Variants in RBFOX3 observed in about 807,000 individuals in gnomAD.
The protein encoded by RBFOX3 is RNA binding protein fox-1 homolog 3.
Under a neutral mutation model 48.7 loss-of-function variants are expected in RBFOX3, and 17 were observed. The observed-to-expected ratio is 0.35, with a 90% CI of 0.24 to 0.52. The LOEUF is 0.52. Among genes scored for constraint, RBFOX3 ranks in the 20% least tolerant of loss-of-function variants. The pLI is 0.94. For missense variants in RBFOX3, 382 were observed against 497.5 expected (o/e 0.77, Z 2.21); for synonymous variants, 212 against 209.5 (o/e 1.01, Z -0.10).
chr17:79,424,279 G>A (rs781801170), intron 2 of RBFOX3, among the ~76,000 whole-genome samples: 4 of 152,164 alleles, frequency 2.6e-5, no homozygotes, highest in Non-Finnish European at 5.9e-5. Flanking sequence ...CGGGCCTCCC[G>A]CCCGTCCCAG....
chr17:79,553,938 T>C (rs1376192610), intron 1 of RBFOX3, among the ~76,000 whole-genome samples: 1 of 152,180 alleles, frequency 6.6e-6, no homozygotes, highest in Non-Finnish European at 1.5e-5. Flanking sequence ...TTCACCACGT[T>C]GGCCAGATTG....
chr17:79,094,559 AGGAGGGTGGGG>A, intron 13 of RBFOX3, 30 bp from the exon 14 acceptor site: 1 of 26,852 alleles, frequency 3.7e-5, no homozygotes, highest in Non-Finnish European at 7.3e-5. Flanking sequence ...GGGGAGTGGG[AGGAGGGTGGGG>A]GAGGGGGGCA....
chr17:79,232,641 A>C (rs899978540), intron 4 of RBFOX3, among the ~76,000 whole-genome samples: 2 of 152,384 alleles, frequency 1.3e-5, no homozygotes, highest in South Asian at 4.1e-4. Context: ...ATTTGAGATA[A>C]ATCGTGGAAC....
intron 4 of RBFOX3, among the ~76,000 whole-genome samples, chr17:79,170,010 A>G (rs998369124): frequency 6.6e-6 from 1 of 150,762 alleles, no homozygotes; most frequent in African/African-American, 2.4e-5. Flanking sequence ...GGGAGGAAAG[A>G]AGGAGGGAAG....
At chr17:79,290,763 A>G (rs1209807879) in intron 3 of RBFOX3, among the ~76,000 whole-genome samples, 1 of 152,208 alleles carries the variant, frequency 6.6e-6, no homozygotes, top group Non-Finnish European at 1.5e-5. Flanking sequence ...GAGCCTCCAG[A>G]GGCTTCTCCT....
chr17:79,106,578 C>G, intron 6 of RBFOX3, 73 bp downstream of exon 6: 3 of 1,388,702 alleles, frequency 2.2e-6, no homozygotes, highest in Non-Finnish European at 1.9e-6. Flanking sequence ...GGCAGGAAGG[C>G]AGGGCCTGTG....
chr17:79,648,402 C>G, the RBFOX3 span, among the ~76,000 whole-genome samples: 3 of 152,334 alleles, frequency 2.0e-5, no homozygotes, highest in East Asian at 1.9e-4. Flanking sequence ...AGGTATGAAA[C>G]AGATGCCTGG....
At chr17:79,564,713 C>T (rs1042102131) in intron 1 of RBFOX3, among the ~76,000 whole-genome samples, 1 of 152,142 alleles carries the variant, frequency 6.6e-6, no homozygotes, top group Non-Finnish European at 1.5e-5. Flanking sequence ...ATTTTGGGGA[C>T]ATCCACACCA....
rs113756566 is a variant in RBFOX3 at position 79,212,797 on chromosome 17, G to A, written c.-34+22969C>T. 5.8e-4 allele frequency among the ~76,000 whole-genome samples: 89 copies of A among 152,238 alleles called. No homozygotes were observed. Among genetic ancestry groups the A allele is most frequent in the Non-Finnish European group, 7.6e-4 (52 of 68,012 alleles). ...AGTGCCTGGCTCTAAACAGAAGCCA[G>A]GCCCATTCTCTCCCTTAGGGGACCC... On this transcript the variant is annotated intron_variant, in intron 4 of 14. Coordinates refer to ENST00000693108, the MANE Select transcript of RBFOX3 (RefSeq NM_001350451.2). The surrounding 1 kb of genome is among the most constrained non-coding windows in gnomAD (Gnocchi z 4.7).
chr17:79,387,064 C>T (rs1017623707), intron 2 of RBFOX3, among the ~76,000 whole-genome samples: 2 of 152,210 alleles, frequency 1.3e-5, no homozygotes, highest in African/African-American at 4.8e-5. Flanking sequence ...TAGTACTGAA[C>T]AGGGACAGGA....
rs766886966 is a variant in RBFOX3 at position 79,263,460 on chromosome 17, T to TA, written c.-73-27656dup. ...GGCCTTCTGCCCCTGGTCAGGTTTTTACCAGTCGTGGCGGGGCCCTGGGCC... is the reference window on the plus strand; with the variant it reads ...GGCCTTCTGCCCCTGGTCAGGTTTTTAACCAGTCGTGGCGGGGCCCTGGGCC... On this transcript the variant is annotated intron_variant, in intron 3 of 14. Transcript: ENST00000693108. Among the ~76,000 whole-genome samples, 35 of 152,332 alleles carry TA rather than the reference T, an allele frequency of 2.3e-4. No homozygotes were observed. The East Asian group carries it at 6.6e-3, about 29-fold the overall frequency.
intron 2 of RBFOX3, among the ~76,000 whole-genome samples, chr17:79,411,894 C>A (rs144037486): frequency 1.3e-5 from 2 of 152,074 alleles, no homozygotes; most frequent in Non-Finnish European, 2.9e-5. Context: ...CGTGTATGCA[C>A]GTGTTGTGTA....
rs1196022626 is a variant in RBFOX3 at position 79,480,224 on chromosome 17, C to T, written c.-175+2230G>A. 2.0e-5 allele frequency among the ~76,000 whole-genome samples: 3 copies of T among 152,098 alleles called. No individual in the cohort carries two copies. The highest frequency in any genetic ancestry group is 4.4e-5 in the Non-Finnish European group (3 of 68,000). On this transcript the variant is annotated intron_variant, in intron 2 of 14. Transcript: ENST00000693108. This position sits in a 1 kb window ranked among gnomAD's most constrained non-coding sequence, Gnocchi z 4.8. ...TCCTATCTGGGCTCCCCGAGGGGGC[C>T]CCTGATGGTTTACGGAATGGGGTGA...
chr17:79,552,694 G>T (rs1327583962), intron 1 of RBFOX3, among the ~76,000 whole-genome samples: 1 of 152,172 alleles, frequency 6.6e-6, no homozygotes, highest in East Asian at 1.9e-4. Context: ...GTTTATCGAG[G>T]TGTAAAAAAT....
At chr17:79,269,209 G>A (rs1231428600) in intron 3 of RBFOX3, among the ~76,000 whole-genome samples, 7 of 152,202 alleles carry the variant, frequency 4.6e-5, no homozygotes, top group East Asian at 3.9e-4. Context: ...AGTAATGCCC[G>A]GGGTCCCAGG....
intron 2 of RBFOX3, among the ~76,000 whole-genome samples, chr17:79,398,688 G>A (rs2062375095): frequency 1.3e-5 from 2 of 152,218 alleles, no homozygotes; most frequent in Non-Finnish European, 2.9e-5. Flanking sequence ...GAGGCTGAGA[G>A]AGCGGAATTA....
chr17:79,537,935 C>A (rs1555789180), intron 1 of RBFOX3, among the ~76,000 whole-genome samples: 2 of 152,134 alleles, frequency 1.3e-5, no homozygotes, highest in African/African-American at 4.8e-5. Flanking sequence ...CATGTCCACA[C>A]CCCCCGAGGA....
At chr17:79,325,171 G>A (rs1221160825) in intron 2 of RBFOX3, among the ~76,000 whole-genome samples, 4 of 152,218 alleles carry the variant, frequency 2.6e-5, no homozygotes, top group African/African-American at 7.2e-5. Flanking sequence ...AGAAGCAGAC[G>A]GAGGAAACTG....
chr17:79,418,471 G>A lies in RBFOX3; in HGVS notation c.-175+63983C>T, dbSNP rs543189306. On this transcript the variant is annotated intron_variant, in intron 2 of 14. Transcript: ENST00000693108. This position sits in a 1 kb window ranked among gnomAD's most constrained non-coding sequence, Gnocchi z 5.0. ...TCACACCGTGCCACGCGAGAAAGCC[G>A]TGTGTGTCAGCCAAGAGCCTGCGGC... Among the ~76,000 whole-genome samples the A allele has an allele frequency of 2.5e-4, 38 of 152,350 alleles. No homozygotes were observed. In the South Asian group the frequency reaches 5.6e-3, roughly 22 times the overall value.
Sources: allele counts gnomAD v4.1 joint callset (sites outside exome capture counted in the v4.1 genomes callset), GRCh38; gene constraint gnomAD v4.1.1; non-coding constraint Gnocchi (gnomAD v3.1); transcripts MANE v1.5; gene names NCBI Gene and HGNC (gene_info 2026-07-23, HGNC 2026-07-21).